TACC2: variants seen among roughly 807,000 people sequenced by gnomAD.
The protein encoded by TACC2 is transforming acidic coiled-coil-containing protein 2.
A neutral mutation model predicts 227.3 loss-of-function variants in TACC2; 137 were observed. The observed-to-expected ratio is 0.60, with a 90% CI of 0.52 to 0.69. The LOEUF (loss-of-function observed/expected upper bound fraction) is 0.69, where lower values mean the gene tolerates loss of function less well. Ranked by LOEUF, TACC2 falls within the 30% of genes least tolerant of loss-of-function variation. TACC2 has a pLI of 0.00. For missense variants in TACC2, 3,470 were observed against 3,694.4 expected, an observed-to-expected ratio of 0.94 and a Z score of 1.57; for synonymous variants, 1,523 against 1,487.5, an observed-to-expected ratio of 1.02 and a Z score of -0.55.
intron 7 of TACC2, among the ~76,000 whole-genome samples, chr10:122,151,345 A>G (rs60408139): frequency 0.036 from 5,483 of 152,214 alleles, 258 homozygotes; most frequent in African/African-American, 0.11. Flanking sequence ...CAGCATGGCT[A>G]GGTGTTTGCT....
At chr10:122,057,584 C>T (rs902270037) in intron 3 of TACC2, among the ~76,000 whole-genome samples, 1 of 152,088 alleles carries the variant, frequency 6.6e-6, no homozygotes, top group African/African-American at 2.4e-5. Flanking sequence ...GGGCAGATCA[C>T]CTGAGGTCGG....
chr10:122,179,057 A>G (rs1477631431), intron 7 of TACC2, among the ~76,000 whole-genome samples: 6 of 152,306 alleles, frequency 3.9e-5, no homozygotes, highest in Non-Finnish European at 7.4e-5. Context: ...AAGTAACAAA[A>G]CGCTGAAGCA....
chr10:122,252,119 C>T (rs775027062), intron 22 of TACC2, among the ~76,000 whole-genome samples: 31 of 152,282 alleles, frequency 2.0e-4, no homozygotes, highest in South Asian at 1.2e-3. Context: ...GGAAAACCTC[C>T]GGGAATCACT....
chr10:122,005,375 C>A (rs1232912717), intron 1 of TACC2, among the ~76,000 whole-genome samples: 1 of 133,696 alleles, frequency 7.5e-6, no homozygotes, highest in East Asian at 2.3e-4. Context: ...TGAGCCACCA[C>A]GCCCAGCTTT....
At chr10:122,131,177 C>CAAAAAAAAAA (rs10572276) in intron 5 of TACC2, among the ~76,000 whole-genome samples, 2 of 95,306 alleles carry the variant, frequency 2.1e-5, no homozygotes, top group Non-Finnish European at 4.3e-5. Flanking sequence ...GACGCTTTCT[C>CAAAAAAAAAA]AAAAAAAAAA....
In TACC2 at chr10:122,048,606, C is replaced by A. The variant is rs192180684; in HGVS notation, c.34-1832C>A. Among the ~76,000 whole-genome samples the A allele has an allele frequency of 3.8e-3, 573 of 152,216 alleles. 4 individuals carry two copies. The highest frequency in any genetic ancestry group is 5.4e-3 in the Non-Finnish European group (364 of 68,028). ...CTCCTGGGCTCAAGCAGTCTTCCCA[C>A]CTCGCCTTCCCAAAGTGCTGGGATT... On this transcript the variant is annotated intron_variant, in intron 2 of 22. Coordinates refer to ENST00000369005, the MANE Select transcript of TACC2 (RefSeq NM_206862.4).
At chr10:122,188,927 C>T (rs1052841840) in intron 7 of TACC2, among the ~76,000 whole-genome samples, 3 of 152,186 alleles carry the variant, frequency 2.0e-5, no homozygotes, top group Non-Finnish European at 4.4e-5. Flanking sequence ...CCAGAGCTAG[C>T]TTGGTGTTTG....
At chr10:122,247,538 T>A (rs2096152414) in intron 19 of TACC2, 2 of 152,050 alleles carry the variant, frequency 1.3e-5, no homozygotes, top group African/African-American at 2.4e-5. Flanking sequence ...GCCTTTCCCA[T>A]AAGTGTAGAA....
rs1314524722 is a variant in TACC2, at chr10:122,137,889, C to T, written c.5699+5155C>T. On this transcript the variant is annotated intron_variant, in intron 6 of 22. Coordinates refer to ENST00000369005, the MANE Select transcript of TACC2 (RefSeq NM_206862.4). ...TCACAGCTCCTCAGGAAGGGAGACACCAGGCCCAGCAGCTGGCGGCTGAAG... is the reference window on the plus strand; with the variant it reads ...TCACAGCTCCTCAGGAAGGGAGACATCAGGCCCAGCAGCTGGCGGCTGAAG... 3.3e-5 allele frequency among the ~76,000 whole-genome samples: 5 copies of T among 152,174 alleles called. No homozygotes were observed. The East Asian group carries it at 7.7e-4, about 24-fold the overall frequency.
intron 5 of TACC2, among the ~76,000 whole-genome samples, chr10:122,103,305 T>C (rs2082379346): frequency 6.6e-6 from 1 of 152,164 alleles, no homozygotes; most frequent in African/African-American, 2.4e-5. Flanking sequence ...AGCCTATGTA[T>C]GAACCGTGGC....
chr10:122,067,925 C>T (rs753276175), intron 3 of TACC2, among the ~76,000 whole-genome samples: 2 of 152,090 alleles, frequency 1.3e-5, no homozygotes, highest in African/African-American at 2.4e-5. Flanking sequence ...TTGTATCTCC[C>T]CTCCTCCTGT....
chr10:122,210,312 T>C lies in TACC2; in HGVS notation c.5972-85T>C. The C allele has an allele frequency of 9.0e-7, 1 of 1,108,952 alleles. No individual in the cohort carries two copies. Among genetic ancestry groups the C allele is most frequent in the Non-Finnish European group, 1.4e-6 (1 of 732,584 alleles). The allele number at this position is 1,108,952 out of a possible 1,614,324, so 68.7% of individuals were successfully genotyped here. On this transcript the variant is annotated intron_variant, in intron 8 of 22. Transcript: ENST00000369005. The surrounding 1 kb of genome is among the most constrained non-coding windows in gnomAD (Gnocchi z 4.6). ...GGCCGTGGTTTGTCAACCCCTACGC[T>C]GGAGGGTGATGTTTTGGTACAAGAG...
intron 3 of TACC2, chr10:122,052,689 A>AAG (rs1170158265): frequency 6.6e-6 from 1 of 151,686 alleles, no homozygotes; most frequent in Non-Finnish European, 1.5e-5. Flanking sequence ...CCTCAAAAAA[A>AAG]AAAAAAAAAC....
intron 1 of TACC2, among the ~76,000 whole-genome samples, chr10:122,008,610 T>A (rs1315290081): frequency 6.6e-6 from 1 of 151,830 alleles, no homozygotes; most frequent in African/African-American, 2.4e-5. Context: ...TCTCACTCTG[T>A]CACCCAGGCT....
chr10:122,250,730 G>A (rs770237871), intron 22 of TACC2, among the ~76,000 whole-genome samples: 7 of 151,922 alleles, frequency 4.6e-5, no homozygotes, highest in Admixed American at 1.3e-4. Context: ...GGCAAGCCTC[G>A]CACCCCACCT....
intron 6 of TACC2, among the ~76,000 whole-genome samples, chr10:122,142,933 G>A (rs970264506): frequency 6.6e-6 from 1 of 152,224 alleles, no homozygotes; most frequent in African/African-American, 2.4e-5. Flanking sequence ...TTTGGCTTTT[G>A]TGGGGAGTGG....
intron 5 of TACC2, among the ~76,000 whole-genome samples, chr10:122,099,912 G>A (rs2081947318): frequency 6.6e-6 from 1 of 152,196 alleles, no homozygotes. Context: ...CAATGGAGAG[G>A]ATTCTGTAAA....
rs911773 is a variant in TACC2, at chr10:122,205,465, A to C, written c.5972-4932A>C. 0.55 allele frequency among the ~76,000 whole-genome samples: 83,234 copies of C among 151,876 alleles called. 23,674 individuals carry two copies. Among genetic ancestry groups the C allele is most frequent in the African/African-American group, 0.71 (29,584 of 41,444 alleles). ...GATGCCTCACGCCTCTGGGGTAAAAACCCCACAGGAACTTGGAGCTCAAAG... is the reference window on the plus strand; with the variant it reads ...GATGCCTCACGCCTCTGGGGTAAAACCCCCACAGGAACTTGGAGCTCAAAG... On this transcript the variant is annotated intron_variant, in intron 8 of 22. Coordinates refer to ENST00000369005, the MANE Select transcript of TACC2 (RefSeq NM_206862.4). This position sits in a 1 kb window ranked among gnomAD's most constrained non-coding sequence, Gnocchi z 4.5.
At chr10:122,219,319 G>A (rs971907463) in intron 11 of TACC2, among the ~76,000 whole-genome samples, 9 of 151,038 alleles carry the variant, frequency 6.0e-5, no homozygotes, top group Admixed American at 6.6e-5. Flanking sequence ...GGCTCTGCCC[G>A]CCTTCAGTGC....
Sources: allele counts gnomAD v4.1 joint callset (sites outside exome capture counted in the v4.1 genomes callset), GRCh38; gene constraint gnomAD v4.1.1; non-coding constraint Gnocchi (gnomAD v3.1); transcripts MANE v1.5; gene names NCBI Gene and HGNC (gene_info 2026-07-23, HGNC 2026-07-21).